The following KMT2A variants were observed in gnomAD, a reference collection of about 807,000 sequenced individuals.
KMT2A encodes the protein lysine methyltransferase 2A.
A neutral mutation model predicts 345.3 loss-of-function variants in KMT2A; 16 were observed. The observed-to-expected ratio is 0.05, with a 90% CI of 0.03 to 0.07. KMT2A has a LOEUF of 0.07. Among genes scored for constraint, KMT2A ranks in the 10% least tolerant of loss-of-function variants. The pLI is 1.00. For synonymous variants in KMT2A, 1,599 were observed against 1,778.6 expected, an observed-to-expected ratio of 0.90 and a Z score of 2.54; for missense variants, 3,272 against 4,841.6, an observed-to-expected ratio of 0.68 and a Z score of 9.62.
chr11:118,467,158 C>G (rs1169530710), intron 1 of KMT2A, among the ~76,000 whole-genome samples: 1 of 152,134 alleles, frequency 6.6e-6, no homozygotes, highest in African/African-American at 2.4e-5. Context: ...GGGCAGATCA[C>G]TTGAGGTCAG....
chr11:118,507,585 A>G lies in KMT2A; in HGVS notation c.10811A>G (p.Gln3604Arg). Reference sequence around the variant, plus strand: ...ACAGCTAGCGTGGAGCAGTCCTCCCAGAAGGAGTGTGGGCAACCTGCAGGG... The same window carrying G: ...ACAGCTAGCGTGGAGCAGTCCTCCCGGAAGGAGTGTGGGCAACCTGCAGGG... The part of the protein sequence containing the change: ...QDTASVEQSS[Q>R]KECGQPAGQV... The change falls in exon 28 of 36, where the codon CAG becomes CGG. Residue 3604 changes from glutamine to arginine, a missense_variant. Transcript: ENST00000534358. 1 of 1,614,174 alleles carries G rather than the reference A, an allele frequency of 6.2e-7. No homozygotes were observed. Among genetic ancestry groups the G allele is most frequent in the Non-Finnish European group, 8.5e-7 (1 of 1,179,972 alleles).
At position 118,472,243 on chromosome 11, in the gene KMT2A, CCTT is replaced by C. The variant is rs782651496; in HGVS notation, c.1089_1091del (p.Ser364del). The C allele has an allele frequency of 1.9e-6, 3 of 1,613,996 alleles. No individual in the cohort carries two copies. In the South Asian group the frequency reaches 3.3e-5, roughly 18 times the overall value. ...AAGGATTAAGCCAGTTAGGATTATT[CCTT>C]CTTCAAAAAGGACAGATGCAACCAT... On this transcript the variant is annotated inframe_deletion, in exon 3 of 36. Transcript: ENST00000534358.
chr11:118,502,263 TAATA>T lies in KMT2A; in HGVS notation c.6506-126_6506-123del, dbSNP rs1323666972. ...GTGAGACACTGTCTCAAAAAAGTAA[TAATA>T]AATAAATAGAAAATGTAGATTTCCA... On this transcript the variant is annotated intron_variant, in intron 26 of 35. Coordinates refer to ENST00000534358, the MANE Select transcript of KMT2A (RefSeq NM_001197104.2). This position sits in a 1 kb window ranked among gnomAD's most constrained non-coding sequence, Gnocchi z 4.9. 3.5e-6 allele frequency: 2 copies of T among 565,148 alleles called. No homozygotes were observed. Among genetic ancestry groups the T allele is most frequent in the African/African-American group, 1.9e-5 (1 of 51,450 alleles). 35.0% of individuals were successfully genotyped at this position (565,148 alleles called of 1,614,324 possible).
chr11:118,499,883 GT>G lies in KMT2A; in HGVS notation c.6129del (p.Cys2043TrpfsTer32). The G allele has an allele frequency of 6.2e-7, 1 of 1,612,696 alleles. No homozygotes were observed. The highest frequency in any genetic ancestry group is 1.3e-5 in the African/African-American group (1 of 75,034). On this transcript the variant is annotated frameshift_variant, in exon 24 of 36. Coordinates refer to ENST00000534358, the MANE Select transcript of KMT2A (RefSeq NM_001197104.2). LOFTEE classifies it high-confidence loss of function. ...GGAATTCTAAATGATCTCTCCGACT[GT>G]GAAGATAAGCTCTTTCCTATTGGAT... is the stretch of plus-strand genomic sequence containing the variant. ...CLGILNDLSDCEDKLFPIGYQ... is the reference protein window; with the variant it reads ...CLGILNDLSDXEDKLFPIGYQ...
chr11:118,496,215 T>C lies in KMT2A; in HGVS notation c.5558-46T>C. The C allele has an allele frequency of 5.8e-6, 8 of 1,383,260 alleles. No individual in the cohort carries two copies. Among genetic ancestry groups the C allele is most frequent in the Non-Finnish European group, 8.2e-6 (8 of 970,974 alleles). The allele number at this position is 1,383,260 out of a possible 1,614,324, so 85.7% of individuals were successfully genotyped here. ...TGAAATCAGACATAGTATTGCCAATTTTAACTGGATCTCAAGGTATTGATG... is the reference window on the plus strand; with the variant it reads ...TGAAATCAGACATAGTATTGCCAATCTTAACTGGATCTCAAGGTATTGATG... On this transcript the variant is annotated intron_variant, in intron 19 of 35. Transcript: ENST00000534358. The surrounding 1 kb of genome is among the most constrained non-coding windows in gnomAD (Gnocchi z 4.7).
rs1950329075 is a variant in KMT2A at position 118,491,843 on chromosome 11, A to G, written c.4919A>G (p.Glu1640Gly). 6.2e-7 allele frequency: 1 copy of G among 1,613,964 alleles called. No homozygotes were observed. Among genetic ancestry groups the G allele is most frequent in the South Asian group, 1.1e-5 (1 of 91,074 alleles). The change falls in exon 15 of 36, where the codon GAA becomes GGA. Residue 1640 changes from glutamate to glycine, a missense_variant. Transcript: ENST00000534358. The surrounding 1 kb of genome is among the most constrained non-coding windows in gnomAD (Gnocchi z 4.2). ...RHPAEWRLAL[E>G]KELQISLKQV... ...CCTGCAGAGTGGCGACTGGCCCTTG[A>G]AAAAGAGCTGCAGATTTCTCTGAAG...
In KMT2A at chr11:118,519,748, C is replaced by G. The variant is rs782143434; in HGVS notation, c.11277C>G (p.Pro3759=). ...RFHKPEEANE[P]PLNPHGSARA... Reference sequence around the variant, plus strand: ...ACAAGCCAGAGGAGGCCAATGAACCCCCCTTGAACCCTCACGGCTCAGCCA... The same window carrying G: ...ACAAGCCAGAGGAGGCCAATGAACCGCCCTTGAACCCTCACGGCTCAGCCA... The change falls in exon 32 of 36, where the codon CCC becomes CCG. Residue 3759 remains proline (P), a synonymous_variant. Coordinates refer to ENST00000534358, the MANE Select transcript of KMT2A (RefSeq NM_001197104.2). The G allele has an allele frequency of 6.2e-7, 1 of 1,614,058 alleles. No homozygotes were observed.
chr11:118,438,086 G>A (rs1226682905), intron 1 of KMT2A, among the ~76,000 whole-genome samples: 1 of 152,146 alleles, frequency 6.6e-6, no homozygotes, highest in African/African-American at 2.4e-5. Context: ...GGAAGGGGTG[G>A]GGGAAGCCAG....
At position 118,443,290 on chromosome 11, in the gene KMT2A, G is replaced by A. The variant is rs142254191; in HGVS notation, c.432+6346G>A. Among the ~76,000 whole-genome samples the A allele has an allele frequency of 5.5e-4, 84 of 152,314 alleles. 1 individual carries two copies. In the East Asian group the frequency reaches 0.014, roughly 25 times the overall value. On this transcript the variant is annotated intron_variant, in intron 1 of 35. Coordinates refer to ENST00000534358, the MANE Select transcript of KMT2A (RefSeq NM_001197104.2). ...GAGGAAATACAGAGACACTTGGACT[G>A]AGGGAATGACTTCCCATAAAATGGT...
chr11:118,444,786 GT>G (rs1949384136), intron 1 of KMT2A, among the ~76,000 whole-genome samples: 1 of 152,168 alleles, frequency 6.6e-6, no homozygotes, highest in Non-Finnish European at 1.5e-5. Flanking sequence ...TGTTGCCCAG[GT>G]TGGTCTTGAA....
In KMT2A at chr11:118,497,891, T is replaced by A; in HGVS notation, c.5665-45T>A. ...AGCTAATGCCGAGGAAAACCTCCTTTGGCATTATATTCTTTAGGAAAAAAG... is the reference window on the plus strand; with the variant it reads ...AGCTAATGCCGAGGAAAACCTCCTTAGGCATTATATTCTTTAGGAAAAAAG... On this transcript the variant is annotated intron_variant, in intron 20 of 35. Transcript: ENST00000534358. This position sits in a 1 kb window ranked among gnomAD's most constrained non-coding sequence, Gnocchi z 4.8. 6.6e-7 allele frequency: 1 copy of A among 1,507,924 alleles called. No individual in the cohort carries two copies. Among genetic ancestry groups the A allele is most frequent in the Non-Finnish European group, 9.2e-7 (1 of 1,088,738 alleles). 93.4% of individuals were successfully genotyped at this position (1,507,924 alleles called of 1,614,324 possible).
At chr11:118,487,078 A>G (rs1555041083) in intron 10 of KMT2A, among the ~76,000 whole-genome samples, 1 of 152,166 alleles carries the variant, frequency 6.6e-6, no homozygotes, top group African/African-American at 2.4e-5. Context: ...CTTAGTCCCT[A>G]TTACGAACAA....
At chr11:118,474,447 T>C in intron 3 of KMT2A, 132 bp downstream of exon 3, 1 of 1,142,730 alleles carries the variant, frequency 8.8e-7, no homozygotes, top group Non-Finnish European at 1.2e-6. Flanking sequence ...CAGTGGTATT[T>C]GCAGTAGTCC....
rs375281059 is a variant in KMT2A at position 118,522,157 on chromosome 11, G to C, written c.11904G>C (p.Arg3968=). 1.1e-5 allele frequency: 17 copies of C among 1,613,984 alleles called. No homozygotes were observed. Among genetic ancestry groups the C allele is most frequent in the Non-Finnish European group, 1.4e-5 (16 of 1,179,932 alleles). Residue 3968 remains arginine (R), a synonymous_variant, in exon 36 of 36, where the codon CGG becomes CGC. Coordinates refer to ENST00000534358, the MANE Select transcript of KMT2A (RefSeq NM_001197104.2). The surrounding 1 kb of genome is among the most constrained non-coding windows in gnomAD (Gnocchi z 5.4). ...GCAACTGTGGCGCCAAGAAATGCCGGAAGTTCCTAAACTAAAGCTGCTCTT... is the reference window on the plus strand; with the variant it reads ...GCAACTGTGGCGCCAAGAAATGCCGCAAGTTCCTAAACTAAAGCTGCTCTT... The part of the protein sequence containing the change: ...LPCNCGAKKC[R]KFLN
Position 118,471,042 on chromosome 11 carries a change from A to G in KMT2A, c.503-620A>G, listed in dbSNP as rs530687517. On this transcript the variant is annotated intron_variant, in intron 2 of 35. Transcript: ENST00000534358. ...GTGGACACATTATGTCACTTCACTG[A>G]TTAGTTCACATGCCACTGAGTTCAG... is the stretch of plus-strand genomic sequence containing the variant. 1.1e-3 allele frequency among the ~76,000 whole-genome samples: 164 copies of G among 152,354 alleles called. 2 individuals are homozygous for G. Among genetic ancestry groups the G allele is most frequent in the African/African-American group, 3.6e-3 (151 of 41,598 alleles).
Position 118,496,113 on chromosome 11 carries a change from G to C in KMT2A, c.5558-148G>C. On this transcript the variant is annotated intron_variant, in intron 19 of 35. Coordinates refer to ENST00000534358, the MANE Select transcript of KMT2A (RefSeq NM_001197104.2). This position sits in a 1 kb window ranked among gnomAD's most constrained non-coding sequence, Gnocchi z 4.7. The stretch of plus-strand genomic sequence containing the variant: ...ATTGTAACATAGATGATGAGGTAGC[G>C]TAACTCTGAACACTTTTTGAAAAGT... The C allele has an allele frequency of 2.8e-6, 2 of 712,208 alleles. No homozygotes were observed. The highest frequency in any genetic ancestry group is 3.6e-5 in the South Asian group (2 of 54,862). 44.1% of individuals were successfully genotyped at this position (712,208 alleles called of 1,614,324 possible). A position where few individuals can be genotyped will look rare whatever the true frequency, so the allele number is the denominator to read the frequency against.
Position 118,494,449 on chromosome 11 carries a change from C to A in KMT2A, c.5289+51C>A. 2 of 1,000,748 alleles carry A rather than the reference C, an allele frequency of 2.0e-6. No individual in the cohort carries two copies. The highest frequency in any genetic ancestry group is 1.8e-5 in the Admixed American group (1 of 54,846). 62.0% of individuals were successfully genotyped at this position (1,000,748 alleles called of 1,614,324 possible). ...TTTAATGCTTACCTATAAGTAATTA[C>A]CCTGTGAATACAATGAACTTGTTCT... On this transcript the variant is annotated intron_variant, in intron 17 of 35. Transcript: ENST00000534358. The surrounding 1 kb of genome is among the most constrained non-coding windows in gnomAD (Gnocchi z 5.8).
At position 118,501,831 on chromosome 11, in the gene KMT2A, C is replaced by T. The variant is rs782589960; in HGVS notation, c.6479C>T (p.Pro2160Leu). The change falls in exon 26 of 36, where the codon CCT (proline) becomes CTT (leucine). Residue 2160 changes from proline to leucine, a missense_variant. Pro to Leu is a moderately conservative substitution (Grantham distance 98, BLOSUM62 -3). Coordinates refer to ENST00000534358, the MANE Select transcript of KMT2A (RefSeq NM_001197104.2). ...AGTTATTCTCCAACACAGAGATCCC[C>T]TGGCTGTCGACCGTTGCCTTCTGCA... ...TPSYSPTQRSPGCRPLPSAGS... is the reference protein window; with the variant it reads ...TPSYSPTQRSLGCRPLPSAGS... 6.2e-6 allele frequency: 10 copies of T among 1,613,630 alleles called. No homozygotes were observed. The highest frequency in any genetic ancestry group is 8.5e-6 in the Non-Finnish European group (10 of 1,179,860).
chr11:118,467,203 C>G (rs1198754095), intron 1 of KMT2A, among the ~76,000 whole-genome samples: 1 of 151,826 alleles, frequency 6.6e-6, no homozygotes, highest in African/African-American at 2.4e-5. Context: ...ATGGTAAAAC[C>G]CTGTCTCTAC....
Sources: gnomAD v4.1 joint callset for allele counts (sites outside exome capture counted in the v4.1 genomes callset) on GRCh38, gnomAD v4.1.1 for gene constraint, Gnocchi (gnomAD v3.1) non-coding constraint, MANE v1.5 for transcripts, NCBI Gene and HGNC (gene_info 2026-07-23, HGNC 2026-07-21) for gene names.